The following DZANK1 variants were observed in gnomAD, a reference collection of about 807,000 sequenced individuals.
DZANK1 encodes double zinc ribbon and ankyrin repeat domains 1.
DZANK1 carries 91 observed loss-of-function variants against 94.5 expected under a neutral mutation model. That is an observed-to-expected ratio of 0.96 (90% CI 0.81 to 1.15). DZANK1 has a LOEUF of 1.15. Among genes scored for constraint, DZANK1 ranks in the 50% most tolerant of loss-of-function variants. DZANK1 has a pLI of 0.00. For synonymous variants in DZANK1, 312 were observed against 325.3 expected (o/e 0.96, Z 0.44); for missense variants, 903 against 916.4 (o/e 0.99, Z 0.19).
chr20:18,414,024 C>T (rs554690641), intron 12 of DZANK1, among the ~76,000 whole-genome samples: 10 of 152,206 alleles, frequency 6.6e-5, no homozygotes, highest in Admixed American at 5.9e-4. Flanking sequence ...TTATAAATTA[C>T]AAAAGCAATC....
Position 18,441,255 on chromosome 20 carries a change from C to T in DZANK1, c.747+2092G>A, listed in dbSNP as rs1568987026. On this transcript the variant is annotated intron_variant, in intron 8 of 20. Coordinates refer to ENST00000262547, the Ensembl canonical transcript of DZANK1. The surrounding 1 kb of genome is among the most constrained non-coding windows in gnomAD (Gnocchi z 4.1). ...TGTGATGCCCCCTCATGCTATGGAT[C>T]ACCAGTGTCCCATTTCCCATTGGCA... 6.6e-6 allele frequency among the ~76,000 whole-genome samples: 1 copy of T among 152,174 alleles called. No homozygotes were observed.
rs1568567354 is a variant in DZANK1 at position 18,465,392 on chromosome 20, A to G, written c.-19-15T>C. ...TCTCTCTCTCTCTCTATATATATATACATATAAATTCCAATGTACACAAAA... is the reference window on the plus strand; with the variant it reads ...TCTCTCTCTCTCTCTATATATATATGCATATAAATTCCAATGTACACAAAA... On this transcript the variant is annotated splice_polypyrimidine_tract_variant and intron_variant, in intron 1 of 20. Transcript: ENST00000262547. 2.4e-6 allele frequency: 3 copies of G among 1,258,774 alleles called. 1 individual carries two copies. The highest frequency in any genetic ancestry group is 3.3e-5 in the South Asian group (2 of 59,950). The allele number at this position is 1,258,774 out of a possible 1,614,324, so 78.0% of individuals were successfully genotyped here. A position where few individuals can be genotyped will look rare whatever the true frequency, so the allele number is the denominator to read the frequency against.
chr20:18,385,203 C>T, intron 19 of DZANK1, 113 bp from the exon 20 acceptor site: 1 of 924,136 alleles, frequency 1.1e-6, no homozygotes, highest in Non-Finnish European at 1.7e-6. Flanking sequence ...CTTAACTAAC[C>T]TGGGAAACCT....
rs778923173 is a variant in DZANK1, at chr20:18,412,731, C to CT, written c.1346dup (p.Glu450GlyfsTer16). The CT allele has an allele frequency of 1.2e-6, 2 of 1,613,584 alleles. No individual in the cohort carries two copies. The highest frequency in any genetic ancestry group is 2.7e-5 in the African/African-American group (2 of 74,880). ...GCTTTTGAGAGGCTAGTTCCTGTTC[C>CT]TTTTTTGCTAGCAGCTTGCCAGATG... is the stretch of plus-strand genomic sequence containing the variant. On this transcript the variant is annotated frameshift_variant, in exon 13 of 21. Coordinates refer to ENST00000262547, the Ensembl canonical transcript of DZANK1. LOFTEE classifies it high-confidence loss of function.
chr20:18,429,344 A>C (rs1456105615), intron 9 of DZANK1, among the ~76,000 whole-genome samples: 1 of 152,244 alleles, frequency 6.6e-6, no homozygotes, highest in Non-Finnish European at 1.5e-5. Context: ...ACTGCTTCTC[A>C]TAACTTTGCC....
At position 18,415,395 on chromosome 20, in the gene DZANK1, T is replaced by C. The variant is rs892856409; in HGVS notation, c.1009A>G (p.Ile337Val). Residue 337 changes from isoleucine (I) to valine (V), a missense_variant, in exon 11 of 21, where the codon ATT becomes GTT. By Grantham distance (29) the Ile-to-Val change is conservative. Transcript: ENST00000262547. ...CAGCGACCACATCTGTAGCAGGAAA[T>C]GGTCCCCCCTTTCTGAGTGGGCGGA... 5.0e-6 allele frequency: 8 copies of C among 1,594,008 alleles called. No individual in the cohort carries two copies. In the African/African-American group the frequency reaches 8.1e-5, roughly 16 times the overall value.
Position 18,449,182 on chromosome 20 carries a change from C to T in DZANK1, c.544-113G>A, listed in dbSNP as rs984925044. 3.4e-5 allele frequency: 29 copies of T among 841,536 alleles called. No homozygotes were observed. The Admixed American group carries it at 5.4e-4, about 16-fold the overall frequency. The allele number at this position is 841,536 out of a possible 1,614,324, so 52.1% of individuals were successfully genotyped here. A position where few individuals can be genotyped will look rare whatever the true frequency, so the allele number is the denominator to read the frequency against. ...ATCATTATGGGTGAATACACATAGA[C>T]ATATAAAGAGGAATAATAGACACTA... On this transcript the variant is annotated intron_variant, in intron 6 of 20. Transcript: ENST00000262547.
rs186628026 is a variant in DZANK1, at chr20:18,464,849, T to C, written c.109+401A>G. Among the ~76,000 whole-genome samples, 99 of 152,106 alleles carry C rather than the reference T, an allele frequency of 6.5e-4. 1 individual carries two copies. Among genetic ancestry groups the C allele is most frequent in the African/African-American group, 2.3e-3 (97 of 41,492 alleles). ...CACCACCATGTCTGGCTAATTTTTG[T>C]ATTTTTAGTAAGACAGAGTTTTGCC... is the stretch of plus-strand genomic sequence containing the variant. On this transcript the variant is annotated intron_variant, in intron 2 of 20. Coordinates refer to ENST00000262547, the Ensembl canonical transcript of DZANK1.
intron 2 of DZANK1, among the ~76,000 whole-genome samples, chr20:18,463,152 C>T (rs2059530936): frequency 6.6e-6 from 1 of 152,106 alleles, no homozygotes; most frequent in African/African-American, 2.4e-5. Context: ...AAATGTGGTA[C>T]ATACACACCA....
intron 3 of DZANK1, among the ~76,000 whole-genome samples, chr20:18,459,302 T>C (rs931989673): frequency 2.0e-5 from 3 of 151,972 alleles, no homozygotes; most frequent in Non-Finnish European, 4.4e-5. Context: ...CATAAAGGGG[T>C]TGTTTTGTTT....
intron 18 of DZANK1, 69 bp downstream of exon 18, chr20:18,390,310 C>T (rs1299648490): frequency 6.9e-7 from 1 of 1,459,276 alleles, no homozygotes; most frequent in African/African-American, 1.4e-5. Context: ...AAACTTTCAT[C>T]TGAAGGAGAC....
Position 18,465,378 on chromosome 20 carries a change from C to CTATATA in DZANK1, c.-19-2_-19-1insTATATA. 1 of 1,207,030 alleles carries CTATATA rather than the reference C, an allele frequency of 8.3e-7. No individual in the cohort carries two copies. The highest frequency in any genetic ancestry group is 1.2e-6 in the Non-Finnish European group (1 of 869,180). The allele number at this position is 1,207,030 out of a possible 1,614,324, so 74.8% of individuals were successfully genotyped here. A position where few individuals can be genotyped will look rare whatever the true frequency, so the allele number is the denominator to read the frequency against. On this transcript the variant is annotated splice_acceptor_variant, in intron 1 of 20. Coordinates refer to ENST00000262547, the Ensembl canonical transcript of DZANK1. LOFTEE classifies it low-confidence loss of function (5UTR_SPLICE). ...AGTCATTTTCTCTCTCTCTCTCTCT[C>CTATATA]TCTATATATATATACATATAAATTC...
At chr20:18,447,455 T>A (rs1469460616) in intron 7 of DZANK1, among the ~76,000 whole-genome samples, 1 of 151,964 alleles carries the variant, frequency 6.6e-6, no homozygotes, top group African/African-American at 2.4e-5. Context: ...AGATCCCAAG[T>A]AGCTGGGATT....
exon 15 of DZANK1, chr20:18,396,541 G>A (rs369323879): frequency 3.0e-5 from 49 of 1,612,454 alleles, no homozygotes; most frequent in Non-Finnish European, 4.1e-5. Context: ...CAGTAGCAGA[G>A]ATAAGCTTTT....
chr20:18,423,862 C>T (rs2057907215), intron 10 of DZANK1, among the ~76,000 whole-genome samples: 3 of 151,678 alleles, frequency 2.0e-5, no homozygotes, highest in Non-Finnish European at 1.5e-5. Flanking sequence ...AATTTGAGTT[C>T]TCATCTTAAA....
chr20:18,396,584 G>T, intron 14 of DZANK1, 38 bp from the exon 15 acceptor site: 1 of 1,501,634 alleles, frequency 6.7e-7, no homozygotes, highest in Non-Finnish European at 9.2e-7. Context: ...ATAACTGTGG[G>T]TGTGGGACTC....
intron 8 of DZANK1, among the ~76,000 whole-genome samples, chr20:18,440,343 G>C (rs1432947928): frequency 6.6e-6 from 1 of 152,164 alleles, no homozygotes; most frequent in Non-Finnish European, 1.5e-5. Context: ...AGCTGTTATA[G>C]CCACCGCAGC....
At chr20:18,396,252 C>G (rs1015528038) in intron 15 of DZANK1, among the ~76,000 whole-genome samples, 1 of 152,168 alleles carries the variant, frequency 6.6e-6, no homozygotes, top group African/African-American at 2.4e-5. Context: ...TCTGAATAAG[C>G]CTGAGAACTA....
chr20:18,405,505 AAGG>A (rs1228408061), intron 13 of DZANK1, among the ~76,000 whole-genome samples: 2 of 152,234 alleles, frequency 1.3e-5, no homozygotes, highest in Non-Finnish European at 2.9e-5. Context: ...AGAATCCCAG[AAGG>A]AGAAGAGACA....
Sources: allele counts gnomAD v4.1 joint callset (sites outside exome capture counted in the v4.1 genomes callset), GRCh38; gene constraint gnomAD v4.1.1; non-coding constraint Gnocchi (gnomAD v3.1); transcripts MANE v1.5; gene names NCBI Gene and HGNC (gene_info 2026-07-23, HGNC 2026-07-21).